The following JHY variants were observed in gnomAD, a reference collection of about 807,000 sequenced individuals.
JHY encodes the protein junctional cadherin complex regulator, also known as jhy protein homolog.
A neutral mutation model predicts 78.0 loss-of-function variants in JHY; 69 were observed. The ratio of observed to expected loss-of-function variants is 0.88; its 90% CI spans 0.73 to 1.08. JHY has a LOEUF of 1.08. Among genes scored for constraint, JHY ranks in the 50% least tolerant of loss-of-function variants. JHY has a pLI of 0.00. For synonymous variants in JHY, 368 were observed against 342.6 expected (o/e 1.07, Z -0.82); for missense variants, 944 against 927.8 (o/e 1.02, Z -0.23).
In JHY at chr11:122,904,234, GGAGGAGAAGTC is replaced by G; in HGVS notation, c.658_668del (p.Glu220GlnfsTer13). The G allele has an allele frequency of 6.2e-7, 1 of 1,612,854 alleles. No homozygotes were observed. Among genetic ancestry groups the G allele is most frequent in the Non-Finnish European group, 8.5e-7 (1 of 1,179,426 alleles). On this transcript the variant is annotated frameshift_variant, in exon 3 of 9. Transcript: ENST00000227349. LOFTEE classifies it high-confidence loss of function. ...TTTCAGAGCTGAGCGACAGTGACCT[GGAGGAGAAGTC>G]GAGCAGCCTTTCTCCGTACGTGAAG... is the stretch of plus-strand genomic sequence containing the variant.
chr11:122,916,611 G>GT, intron 3 of JHY, among the ~76,000 whole-genome samples: 1 of 151,968 alleles, frequency 6.6e-6, no homozygotes, highest in Non-Finnish European at 1.5e-5. Context: ...GTGTGTTTTG[G>GT]TTTTTTGTTT....
rs533662167 is a variant in JHY, at chr11:122,882,802, G to C, written c.-260G>C. On this transcript the variant is annotated 5_prime_UTR_variant, in exon 1 of 9. Coordinates refer to ENST00000227349, the MANE Select transcript of JHY (RefSeq NM_024806.4). ...CGTGCCAGGGCCGGGGGTGCGGTTC[G>C]GGACGCGGGATCCTAGGTCGGGTCC... 6.5e-6 allele frequency: 1 copy of C among 153,020 alleles called. No individual in the cohort carries two copies. The highest frequency in any genetic ancestry group is 2.4e-5 in the African/African-American group (1 of 41,446). 9.5% of individuals were successfully genotyped at this position (153,020 alleles called of 1,614,324 possible).
chr11:122,922,610 A>G (rs749256760), intron 3 of JHY, among the ~76,000 whole-genome samples: 45 of 151,968 alleles, frequency 3.0e-4, no homozygotes, highest in Non-Finnish European at 5.7e-4. Flanking sequence ...GGAGATAGAG[A>G]CCATCCTGGC....
In JHY at chr11:122,935,956, A is replaced by G. The variant is rs1863746561; in HGVS notation, c.1634+881A>G. Reference sequence around the variant, plus strand: ...AGAAGAAAAAGTACATCTAAGGAGTATGAGTTCTACTGTGTTAAAATATGC... The same window carrying G: ...AGAAGAAAAAGTACATCTAAGGAGTGTGAGTTCTACTGTGTTAAAATATGC... On this transcript the variant is annotated intron_variant, in intron 5 of 8. Transcript: ENST00000227349. The surrounding 1 kb of genome is among the most constrained non-coding windows in gnomAD (Gnocchi z 4.5). Among the ~76,000 whole-genome samples the G allele has an allele frequency of 6.6e-6, 1 of 152,198 alleles. No homozygotes were observed. The highest frequency in any genetic ancestry group is 1.5e-5 in the Non-Finnish European group (1 of 68,016).
Position 122,885,888 on chromosome 11 carries a change from A to G in JHY, c.39A>G (p.Gln13=), listed in dbSNP as rs768310982. ...AACTAATTCCCAAGCTCTCTATTCAATCTCCTGTCCTTCATACCAACTTAA... is the reference window on the plus strand; with the variant it reads ...AACTAATTCCCAAGCTCTCTATTCAGTCTCCTGTCCTTCATACCAACTTAA... ...KRKLIPKLSI[Q]SPVLHTNLNV... Residue 13 remains glutamine, a synonymous_variant, in exon 2 of 9, where the codon CAA becomes CAG. Coordinates refer to ENST00000227349, the MANE Select transcript of JHY (RefSeq NM_024806.4). 3.7e-6 allele frequency: 6 copies of G among 1,613,520 alleles called. No individual in the cohort carries two copies. The highest frequency in any genetic ancestry group is 1.3e-5 in the African/African-American group (1 of 74,866).
chr11:122,892,602 A>G (rs1043675526), intron 2 of JHY, among the ~76,000 whole-genome samples: 27 of 152,114 alleles, frequency 1.8e-4, no homozygotes, highest in South Asian at 4.1e-4. Flanking sequence ...GATTACAGGC[A>G]TGAGCCACCG....
chr11:122,907,006 C>T (rs962106170), intron 3 of JHY, among the ~76,000 whole-genome samples: 3 of 151,994 alleles, frequency 2.0e-5, no homozygotes, highest in South Asian at 4.2e-4. Context: ...TTTTTTGAGA[C>T]GGGATCTTGC....
intron 2 of JHY, among the ~76,000 whole-genome samples, chr11:122,889,500 A>T (rs2135282110): frequency 6.6e-6 from 1 of 152,332 alleles, no homozygotes; most frequent in African/African-American, 2.4e-5. Flanking sequence ...ATTATAAATA[A>T]TCTACAGATA....
chr11:122,962,483 T>A lies in JHY; in HGVS notation c.*3038T>A, dbSNP rs1352768097. Among the ~76,000 whole-genome samples the A allele has an allele frequency of 2.0e-5, 3 of 152,152 alleles. No individual in the cohort carries two copies. Among genetic ancestry groups the A allele is most frequent in the Admixed American group, 6.5e-5 (1 of 15,274 alleles). The stretch of plus-strand genomic sequence containing the variant: ...ATGTTTCAGTGGGATTTGGAAAATG[T>A]AATATATGAGGCATTAGACAGGAAA... On this transcript the variant is annotated 3_prime_UTR_variant, in exon 9 of 9. Transcript: ENST00000227349.
intron 3 of JHY, among the ~76,000 whole-genome samples, chr11:122,921,980 A>G (rs1365444412): frequency 6.6e-6 from 1 of 152,190 alleles, no homozygotes; most frequent in Non-Finnish European, 1.5e-5. Flanking sequence ...GATCTGGAAA[A>G]AAAAAAGAGA....
chr11:122,951,015 A>G (rs978226920), intron 6 of JHY, among the ~76,000 whole-genome samples: 3 of 152,224 alleles, frequency 2.0e-5, no homozygotes, highest in Non-Finnish European at 4.4e-5. Flanking sequence ...AGAAGCTAAA[A>G]TGACTTAGAA....
Position 122,883,397 on chromosome 11 carries a change from G to A in JHY, c.-90+425G>A, listed in dbSNP as rs1862427094. Among the ~76,000 whole-genome samples, 1 of 152,262 alleles carries A rather than the reference G, an allele frequency of 6.6e-6. No individual in the cohort carries two copies. Among genetic ancestry groups the A allele is most frequent in the East Asian group, 1.9e-4 (1 of 5,170 alleles). On this transcript the variant is annotated intron_variant, in intron 1 of 8. Coordinates refer to ENST00000227349, the MANE Select transcript of JHY (RefSeq NM_024806.4). This position sits in a 1 kb window ranked among gnomAD's most constrained non-coding sequence, Gnocchi z 4.4. ...TTTTCTTTACGATTCATCTTGGTGAGCCCAAGCAGGGTTCCTTTTCCCCTC... is the reference window on the plus strand; with the variant it reads ...TTTTCTTTACGATTCATCTTGGTGAACCCAAGCAGGGTTCCTTTTCCCCTC...
rs1295353564 is a variant in JHY, at chr11:122,934,531, C to T, written c.1090C>T (p.Leu364Phe). ...DHQPSRRPAK[L>F]KIRKQCKHQN... Reference sequence around the variant, plus strand: ...TCAACCTTCCAGAAGACCAGCCAAGCTCAAGATTCGAAAGCAGTGTAAACA... The same window carrying T: ...TCAACCTTCCAGAAGACCAGCCAAGTTCAAGATTCGAAAGCAGTGTAAACA... Residue 364 changes from leucine (L) to phenylalanine (F), a missense_variant, in exon 5 of 9, where the codon CTC becomes TTC. Coordinates refer to ENST00000227349, the MANE Select transcript of JHY (RefSeq NM_024806.4). The T allele has an allele frequency of 1.9e-6, 3 of 1,613,892 alleles. No individual in the cohort carries two copies. In the East Asian group the frequency reaches 6.7e-5, roughly 36 times the overall value.
At chr11:122,953,932 C>T (rs1864143636) in intron 6 of JHY, among the ~76,000 whole-genome samples, 1 of 152,138 alleles carries the variant, frequency 6.6e-6, no homozygotes, top group Non-Finnish European at 1.5e-5. Flanking sequence ...TTTTACAGAA[C>T]TTTGAATCCT....
At chr11:122,948,879 T>C (rs1024430670) in intron 6 of JHY, among the ~76,000 whole-genome samples, 1 of 150,982 alleles carries the variant, frequency 6.6e-6, no homozygotes, top group Non-Finnish European at 1.5e-5. Flanking sequence ...AGGCCAGGAG[T>C]TTGAGACCAC....
At chr11:122,948,246 C>G (rs1437710560) in intron 6 of JHY, among the ~76,000 whole-genome samples, 1 of 151,492 alleles carries the variant, frequency 6.6e-6, no homozygotes, top group South Asian at 2.1e-4. Context: ...GAGTTCGAGA[C>G]CAGCTTGGAC....
rs1040992813 is a variant in JHY, at chr11:122,883,138, C to T, written c.-90+166C>T. Among the ~76,000 whole-genome samples the T allele has an allele frequency of 5.9e-5, 9 of 151,966 alleles. 1 individual carries two copies. The highest frequency in any genetic ancestry group is 5.9e-4 in the Admixed American group (9 of 15,288). On this transcript the variant is annotated intron_variant, in intron 1 of 8. Coordinates refer to ENST00000227349, the MANE Select transcript of JHY (RefSeq NM_024806.4). This position sits in a 1 kb window ranked among gnomAD's most constrained non-coding sequence, Gnocchi z 4.4. ...GTGGGGAGCGACAAGGGGGCGAGGC[C>T]GCGACAAGGGGCTGGGGGGCCGCCA... is the stretch of plus-strand genomic sequence containing the variant.
chr11:122,942,349 C>T (rs1180349291), intron 5 of JHY, among the ~76,000 whole-genome samples: 1 of 151,888 alleles, frequency 6.6e-6, no homozygotes, highest in Non-Finnish European at 1.5e-5. Flanking sequence ...CTCTTTTATC[C>T]ATCTTTGTTC....
chr11:122,962,879 C>T lies in JHY; in HGVS notation c.*3434C>T, dbSNP rs191157552. 1.3e-5 allele frequency among the ~76,000 whole-genome samples: 2 copies of T among 152,198 alleles called. No homozygotes were observed. The highest frequency in any genetic ancestry group is 1.3e-4 in the Admixed American group (2 of 15,284). On this transcript the variant is annotated 3_prime_UTR_variant, in exon 9 of 9. Transcript: ENST00000227349. ...GGGAGGGGAGCCAGGTCTGAATCTC[C>T]CATCTTTGAACACCAGGAATAGTAC...
Sources: allele counts gnomAD v4.1 joint callset (sites outside exome capture counted in the v4.1 genomes callset), GRCh38; gene constraint gnomAD v4.1.1; non-coding constraint Gnocchi (gnomAD v3.1); transcripts MANE v1.5; gene names NCBI Gene and HGNC (gene_info 2026-07-23, HGNC 2026-07-21).